SETD2: variants seen among roughly 807,000 people sequenced by gnomAD.
SETD2 encodes histone-lysine N-methyltransferase SETD2.
In SETD2, 31 loss-of-function variants were observed where a neutral mutation model predicts 242.1. That is an observed-to-expected ratio of 0.13 (90% CI 0.10 to 0.17). The LOEUF is 0.17. Among genes scored for constraint, SETD2 ranks in the 10% least tolerant of loss-of-function variants. The pLI is 1.00. For missense variants in SETD2, 2,481 were observed against 3,046.3 expected, an observed-to-expected ratio of 0.81 and a Z score of 4.37; for synonymous variants, 1,006 against 1,066.5, an observed-to-expected ratio of 0.94 and a Z score of 1.11.
intron 12 of SETD2, among the ~76,000 whole-genome samples, chr3:47,077,082 G>A (rs2041112490): frequency 6.6e-6 from 1 of 152,110 alleles, no homozygotes; most frequent in South Asian, 2.1e-4. Flanking sequence ...AAGAAGAGAT[G>A]CTGTGCCTTA....
chr3:47,041,511 A>T (rs1215802405), intron 17 of SETD2: 3 of 262,176 alleles, frequency 1.1e-5, no homozygotes, highest in South Asian at 3.5e-5. Context: ...AAAAAATTTT[A>T]AAGAAAAAAT....
In SETD2 at chr3:47,146,625, T is replaced by TAAA. The variant is rs60453399; in HGVS notation, c.71+17226_71+17228dup. On this transcript the variant is annotated intron_variant, in intron 1 of 20. Coordinates refer to ENST00000409792, the MANE Select transcript of SETD2 (RefSeq NM_014159.7). The stretch of plus-strand genomic sequence containing the variant: ...CTGGGCGACACAGTGAGACTCCGTC[T>TAAA]AAAAAAAAAAAAAAAAATTCCTTCA... Among the ~76,000 whole-genome samples, 7 of 138,604 alleles carry TAAA rather than the reference T, an allele frequency of 5.1e-5. No individual in the cohort carries two copies. In the South Asian group the frequency reaches 7.1e-4, roughly 14 times the overall value. 90.9% of individuals were successfully genotyped at this position (138,604 alleles called of 152,430 possible).
chr3:47,103,744 G>GCACACA (rs35888397), intron 6 of SETD2, among the ~76,000 whole-genome samples: 6 of 150,906 alleles, frequency 4.0e-5, no homozygotes, highest in East Asian at 1.9e-4. Flanking sequence ...GCACACGCAC[G>GCACACA]CACACACACA....
chr3:47,121,870 C>T lies in SETD2; in HGVS notation c.2766G>A (p.Lys922=), dbSNP rs961811628. The T allele has an allele frequency of 5.0e-6, 8 of 1,614,026 alleles. No individual in the cohort carries two copies. Among genetic ancestry groups the T allele is most frequent in the Non-Finnish European group, 6.8e-6 (8 of 1,180,004 alleles). Residue 922 remains lysine, a synonymous_variant, in exon 3 of 21, where the codon AAG becomes AAA. Transcript: ENST00000409792. ...CTACTATTGTTTCTTTCCCTGCATG[C>T]TTTAAAAACTCTGAACTTTTTTTAC... ...LKSKKSSEFL[K]HAGKETIVEV... is the part of the protein sequence containing the mutation.
intron 17 of SETD2, among the ~76,000 whole-genome samples, chr3:47,040,094 T>C (rs1027355289): frequency 4.0e-5 from 6 of 151,684 alleles, no homozygotes; most frequent in Non-Finnish European, 7.4e-5. Context: ...CTCCCGCCTC[T>C]CGGCTTCCCA....
At chr3:47,101,649 T>C in intron 7 of SETD2, 94 bp from the exon 8 acceptor site, 1 of 666,032 alleles carries the variant, frequency 1.5e-6, no homozygotes, top group African/African-American at 1.8e-5. Context: ...TATATAAAGA[T>C]CATCATCATC....
chr3:47,044,752 T>C (rs368369079), intron 16 of SETD2, among the ~76,000 whole-genome samples: 7 of 152,316 alleles, frequency 4.6e-5, no homozygotes, highest in African/African-American at 1.7e-4. Context: ...TTTTTAAACA[T>C]TGTACAACAT....
chr3:47,051,177 T>C (rs1191915154), intron 15 of SETD2, among the ~76,000 whole-genome samples: 1 of 151,884 alleles, frequency 6.6e-6, no homozygotes, highest in East Asian at 1.9e-4. Context: ...CCATCAAGGC[T>C]CACAGCAGCC....
chr3:47,039,402 G>A (rs930755141), intron 17 of SETD2, among the ~76,000 whole-genome samples: 1 of 151,742 alleles, frequency 6.6e-6, no homozygotes, highest in Non-Finnish European at 1.5e-5. Flanking sequence ...TTTAGTATAG[G>A]TGAGGTTTCA....
At chr3:47,112,031 A>G (rs2042671938) in intron 5 of SETD2, among the ~76,000 whole-genome samples, 1 of 151,712 alleles carries the variant, frequency 6.6e-6, no homozygotes, top group Admixed American at 6.6e-5. Context: ...TTTCTTTTAT[A>G]TATTTTTTAA....
intron 1 of SETD2, among the ~76,000 whole-genome samples, chr3:47,159,959 A>G (rs1232578492): frequency 6.6e-6 from 1 of 150,408 alleles, no homozygotes; most frequent in African/African-American, 2.4e-5. Context: ...TGGGGGACAG[A>G]GTGAGACTCC....
intron 18 of SETD2, among the ~76,000 whole-genome samples, chr3:47,030,448 A>G (rs928961802): frequency 6.6e-6 from 1 of 152,196 alleles, no homozygotes; most frequent in African/African-American, 2.4e-5. Flanking sequence ...GTGAGACAGT[A>G]TCAAGCGGTT....
intron 15 of SETD2, chr3:47,046,844 A>G: frequency 3.1e-6 from 1 of 324,274 alleles, no homozygotes; most frequent in South Asian, 1.0e-4. Flanking sequence ...TTACTTTATC[A>G]TAAGAAAATA....
chr3:47,116,499 C>CT, intron 4 of SETD2, 124 bp downstream of exon 4: 2 of 874,872 alleles, frequency 2.3e-6, no homozygotes, highest in Non-Finnish European at 3.5e-6. Flanking sequence ...GTCTACTATA[C>CT]TTTTTTGCTT....
At chr3:47,128,083 A>G (rs2043388612) in intron 1 of SETD2, among the ~76,000 whole-genome samples, 1 of 152,232 alleles carries the variant, frequency 6.6e-6, no homozygotes, top group Admixed American at 6.5e-5. Context: ...ATAAGGTGTA[A>G]GGCAGAAAGA....
At chr3:47,124,662 G>C in intron 2 of SETD2, 114 bp from the exon 3 acceptor site, 1 of 899,854 alleles carries the variant, frequency 1.1e-6, no homozygotes, top group Non-Finnish European at 1.6e-6. Flanking sequence ...ATAACAAATA[G>C]TATGAATTTC....
At chr3:47,089,284 A>G (rs1236746468) in intron 9 of SETD2, among the ~76,000 whole-genome samples, 1 of 152,136 alleles carries the variant, frequency 6.6e-6, no homozygotes, top group Admixed American at 6.5e-5. Context: ...CATCTCTACT[A>G]AAAATCAAAA....
chr3:47,072,739 A>T (rs1420258662), intron 12 of SETD2, among the ~76,000 whole-genome samples: 1 of 151,838 alleles, frequency 6.6e-6, no homozygotes, highest in African/African-American at 2.4e-5. Context: ...AGGTCAGGAG[A>T]TTCAGACCAT....
chr3:47,122,700 G>A lies in SETD2; in HGVS notation c.1936C>T (p.His646Tyr), dbSNP rs768359461. 15 of 1,612,308 alleles carry A rather than the reference G, an allele frequency of 9.3e-6. No homozygotes were observed. Among genetic ancestry groups the A allele is most frequent in the Non-Finnish European group, 1.2e-5 (14 of 1,179,322 alleles). The change falls in exon 3 of 21, where the codon CAT (histidine) becomes TAT (tyrosine). Residue 646 changes from histidine (H) to tyrosine (Y), a missense_variant. His to Tyr is a moderately conservative substitution (Grantham distance 83, BLOSUM62 2). Coordinates refer to ENST00000409792, the MANE Select transcript of SETD2 (RefSeq NM_014159.7). ...FKSEFITHDS[H>Y]DSIKELDSLS... ...GAGTCTAATTCCTTAATACTATCAT[G>A]GCTATCATGTGTTATAAATTCGGAC...
Sources: allele counts gnomAD v4.1 joint callset (sites outside exome capture counted in the v4.1 genomes callset), GRCh38; gene constraint gnomAD v4.1.1; transcripts MANE v1.5; gene names NCBI Gene and HGNC (gene_info 2026-07-23, HGNC 2026-07-21).